The following FKBP1B variants were observed in gnomAD, a reference collection of about 807,000 sequenced individuals.
The protein encoded by FKBP1B is FKBP prolyl isomerase 1B, also known as peptidyl-prolyl cis-trans isomerase FKBP1B.
FKBP1B carries 4 observed loss-of-function variants against 13.5 expected under a neutral mutation model. The observed-to-expected ratio is 0.30, with a 90% CI of 0.15 to 0.68. The LOEUF is 0.68. Among genes scored for constraint, FKBP1B ranks in the 30% least tolerant of loss-of-function variants. The pLI is 0.76. For synonymous variants in FKBP1B, 54 were observed against 53.6 expected, an observed-to-expected ratio of 1.01 and a Z score of -0.03; for missense variants, 93 against 136.2, an observed-to-expected ratio of 0.68 and a Z score of 1.58.
intron 1 of FKBP1B, among the ~76,000 whole-genome samples, chr2:24,052,225 C>A (rs1663912463): frequency 6.6e-6 from 1 of 152,224 alleles, no homozygotes; most frequent in Non-Finnish European, 1.5e-5. Flanking sequence ...GCAACAGACG[C>A]CTAACCGTCC....
intron 1 of FKBP1B, among the ~76,000 whole-genome samples, chr2:24,053,057 A>T (rs1663952046): frequency 6.6e-6 from 1 of 151,952 alleles, no homozygotes; most frequent in Non-Finnish European, 1.5e-5. Flanking sequence ...GATCAGGCAC[A>T]GGCTTGGCAC....
chr2:24,043,213 G>A, the FKBP1B span, among the ~76,000 whole-genome samples: 5 of 152,238 alleles, frequency 3.3e-5, no homozygotes, highest in East Asian at 9.6e-4. Context: ...GCACACTCCT[G>A]TAATCCCAGC....
At chr2:24,055,113 A>G (rs1008610225) in intron 2 of FKBP1B, among the ~76,000 whole-genome samples, 9 of 152,130 alleles carry the variant, frequency 5.9e-5, no homozygotes, top group African/African-American at 9.7e-5. Context: ...ACATACAAGC[A>G]TAGAACCAGC....
At chr2:24,053,708 A>G (rs1484308467) in intron 1 of FKBP1B, among the ~76,000 whole-genome samples, 194 bp from the exon 2 acceptor site, 1 of 152,092 alleles carries the variant, frequency 6.6e-6, no homozygotes. Context: ...TTGAGGGGGT[A>G]AAGTAAATCC....
the FKBP1B span, among the ~76,000 whole-genome samples, chr2:24,044,384 C>A: frequency 6.6e-6 from 1 of 152,168 alleles, no homozygotes; most frequent in South Asian, 2.1e-4. Flanking sequence ...ATTCTTGTGC[C>A]TCAGCCTCCC....
the FKBP1B span, chr2:24,039,607 G>T: frequency 1.8e-6 from 2 of 1,098,960 alleles, no homozygotes; most frequent in Non-Finnish European, 2.6e-6. Context: ...CCCCTTCCCA[G>T]GTTAATAATG....
chr2:24,039,794 A>C, the FKBP1B span, among the ~76,000 whole-genome samples: 1 of 151,638 alleles, frequency 6.6e-6, no homozygotes, highest in South Asian at 2.1e-4. Context: ...TAGAGTTATT[A>C]TTTTTCTTCT....
At chr2:24,045,321 G>C (rs934724602), upstream of FKBP1B, among the ~76,000 whole-genome samples, 1 of 152,188 alleles carries the variant, frequency 6.6e-6, no homozygotes. Context: ...GGCAGGGCAG[G>C]CTGGGTGTGG....
the FKBP1B span, among the ~76,000 whole-genome samples, chr2:24,044,278 G>T: frequency 6.6e-6 from 1 of 151,700 alleles, no homozygotes; most frequent in East Asian, 1.9e-4. Flanking sequence ...TTTTTTTTGG[G>T]GGGGGCGTGG....
At chr2:24,058,089 C>G (rs562302461) in intron 2 of FKBP1B, among the ~76,000 whole-genome samples, 16 of 151,540 alleles carry the variant, frequency 1.1e-4, no homozygotes, top group African/African-American at 3.9e-4. Flanking sequence ...CCCAGCTACT[C>G]GGGAGGCTGA....
the FKBP1B span, among the ~76,000 whole-genome samples, chr2:24,044,252 A>G: frequency 4.0e-5 from 6 of 150,792 alleles, no homozygotes; most frequent in Non-Finnish European, 7.4e-5. Flanking sequence ...AAAAACAAAC[A>G]TAAGTTTACT....
chr2:24,057,483 C>A (rs578262503), intron 2 of FKBP1B, among the ~76,000 whole-genome samples: 1 of 152,304 alleles, frequency 6.6e-6, no homozygotes, highest in Non-Finnish European at 1.5e-5. Context: ...AAGCAATTCT[C>A]CTGCCTCAGT....
At chr2:24,062,966 A>G in intron 3 of FKBP1B, 98 bp from the exon 4 acceptor site, 1 of 1,560,558 alleles carries the variant, frequency 6.4e-7, no homozygotes, top group Non-Finnish European at 8.8e-7. Flanking sequence ...GTTAACATTG[A>G]GGATGGTTTG....
intron 1 of FKBP1B, 94 bp downstream of exon 1, chr2:24,049,980 T>G: frequency 9.5e-7 from 1 of 1,055,778 alleles, no homozygotes; most frequent in Admixed American, 4.0e-5. Flanking sequence ...TGGAGGGTGC[T>G]GAAGGGTCGG....
chr2:24,040,854 T>C, the FKBP1B span, among the ~76,000 whole-genome samples: 1 of 151,864 alleles, frequency 6.6e-6, no homozygotes, highest in Non-Finnish European at 1.5e-5. Flanking sequence ...CCATCTCTAC[T>C]AAAAATACAA....
the FKBP1B span, among the ~76,000 whole-genome samples, chr2:24,042,832 G>C: frequency 6.6e-6 from 1 of 151,638 alleles, no homozygotes; most frequent in African/African-American, 2.4e-5. Context: ...TCAGGAGTTC[G>C]AGACCAGCCT....
the FKBP1B span, chr2:24,039,196 C>G: frequency 6.2e-7 from 1 of 1,614,232 alleles, no homozygotes; most frequent in Non-Finnish European, 8.5e-7. Flanking sequence ...AGACGTCAGC[C>G]ATTTGCTTGA....
At chr2:24,053,094 G>GGTTTT (rs796827221) in intron 1 of FKBP1B, among the ~76,000 whole-genome samples, 30 of 151,956 alleles carry the variant, frequency 2.0e-4, no homozygotes, top group Admixed American at 9.8e-4. Context: ...AAATATTTGT[G>GGTTTT]GTTTTGTTTT....
the FKBP1B span, among the ~76,000 whole-genome samples, chr2:24,040,100 CAG>C: frequency 2.8e-4 from 42 of 152,200 alleles, no homozygotes; most frequent in Admixed American, 5.2e-4. Context: ...CGCGCCCGGC[CAG>C]AGTTATTAAT....
Sources: gnomAD v4.1 joint callset for allele counts (sites outside exome capture counted in the v4.1 genomes callset) on GRCh38, gnomAD v4.1.1 for gene constraint, MANE v1.5 for transcripts, NCBI Gene and HGNC (gene_info 2026-07-23, HGNC 2026-07-21) for gene names.